The following PDE7B variants were observed in gnomAD, a reference collection of about 807,000 sequenced individuals.
The protein encoded by PDE7B is 3',5'-cyclic-AMP phosphodiesterase 7B.
A neutral mutation model predicts 56.2 loss-of-function variants in PDE7B; 29 were observed. That is an observed-to-expected ratio of 0.52 (90% CI 0.38 to 0.70). PDE7B has a LOEUF of 0.70. Ranked by LOEUF, PDE7B falls within the 30% of genes least tolerant of loss-of-function variation. The pLI is 0.00. For synonymous variants in PDE7B, 197 were observed against 196.9 expected, an observed-to-expected ratio of 1.00 and a Z score of 0.00; for missense variants, 490 against 565.0, an observed-to-expected ratio of 0.87 and a Z score of 1.35.
chr6:135,901,628 G>A (rs1394642612), intron 1 of PDE7B, among the ~76,000 whole-genome samples: 1 of 152,110 alleles, frequency 6.6e-6, no homozygotes, highest in Non-Finnish European at 1.5e-5. Context: ...GACAAGTCAA[G>A]CTCCAAATTG....
chr6:135,894,816 G>A (rs1308032783), intron 1 of PDE7B, among the ~76,000 whole-genome samples: 9 of 152,102 alleles, frequency 5.9e-5, no homozygotes. Flanking sequence ...ATGGGAACAT[G>A]TTTACCCAGG....
intron 3 of PDE7B, among the ~76,000 whole-genome samples, chr6:136,141,462 A>G (rs1778324891): frequency 6.6e-6 from 1 of 152,208 alleles, no homozygotes. Context: ...CTTTGGTATC[A>G]GGATGATGCT....
intron 2 of PDE7B, among the ~76,000 whole-genome samples, chr6:136,096,843 G>T (rs1409098186): frequency 6.6e-6 from 1 of 151,980 alleles, no homozygotes; most frequent in East Asian, 1.9e-4. Flanking sequence ...TCCATGTGAT[G>T]CCCAAAGGAC....
intron 2 of PDE7B, among the ~76,000 whole-genome samples, chr6:136,087,520 ATTAAG>A (rs976808615): frequency 1.3e-5 from 2 of 152,232 alleles, no homozygotes; most frequent in Non-Finnish European, 2.9e-5. Context: ...TGACTTGGAA[ATTAAG>A]TTAATACCAT....
intron 1 of PDE7B, among the ~76,000 whole-genome samples, chr6:135,883,997 C>T (rs1443778410): frequency 6.6e-6 from 1 of 152,128 alleles, no homozygotes; most frequent in Admixed American, 6.6e-5. Context: ...AGGAAGGACT[C>T]ATTTAATACA....
At chr6:136,157,000 A>T (rs1035441507) in intron 8 of PDE7B, among the ~76,000 whole-genome samples, 1 of 152,222 alleles carries the variant, frequency 6.6e-6, no homozygotes, top group Admixed American at 6.5e-5. Flanking sequence ...CCTTTGATGT[A>T]GTATATTATT....
At chr6:136,022,380 A>G (rs1353137036) in intron 2 of PDE7B, among the ~76,000 whole-genome samples, 2 of 152,216 alleles carry the variant, frequency 1.3e-5, no homozygotes, top group African/African-American at 2.4e-5. Context: ...TTAGTGTTGG[A>G]TGCTTAATGA....
intron 2 of PDE7B, among the ~76,000 whole-genome samples, chr6:136,076,453 A>G (rs1434720783): frequency 4.6e-5 from 7 of 152,216 alleles, no homozygotes; most frequent in Non-Finnish European, 1.0e-4. Context: ...AGGCTGGGCA[A>G]CAGAGCAAAA....
chr6:135,891,711 A>G (rs1292926448), intron 1 of PDE7B, among the ~76,000 whole-genome samples: 1 of 152,200 alleles, frequency 6.6e-6, no homozygotes. Flanking sequence ...AAAGCCTTCC[A>G]AGTGATTTTG....
chr6:136,074,426 G>T (rs1182113736), intron 2 of PDE7B, among the ~76,000 whole-genome samples: 1 of 151,898 alleles, frequency 6.6e-6, no homozygotes, highest in Non-Finnish European at 1.5e-5. Flanking sequence ...TTCTTTCTTT[G>T]TGTTACAAGC....
intron 1 of PDE7B, among the ~76,000 whole-genome samples, chr6:135,892,402 G>A (rs750564309): frequency 1.3e-5 from 2 of 152,064 alleles, no homozygotes; most frequent in Non-Finnish European, 2.9e-5. Context: ...CTAGCATAAT[G>A]CATTATTTTT....
At chr6:136,006,069 A>G (rs1421588834) in intron 2 of PDE7B, among the ~76,000 whole-genome samples, 2 of 151,538 alleles carry the variant, frequency 1.3e-5, no homozygotes, top group Non-Finnish European at 2.9e-5. Flanking sequence ...CATGGATGAA[A>G]TTGGAAATCA....
rs1451421819 is a variant in PDE7B, at chr6:136,038,257, C to T, written c.83-70474C>T. 6 of 1,299,980 alleles carry T rather than the reference C, an allele frequency of 4.6e-6. No individual in the cohort carries two copies. In the South Asian group the frequency reaches 7.3e-5, roughly 16 times the overall value. The allele number at this position is 1,299,980 out of a possible 1,614,324, so 80.5% of individuals were successfully genotyped here. ...GCAGCAGCAGCAGCAGCACCACCACCACCACTACCTCCTCTTCTGGGGCAC... is the reference window on the plus strand; with the variant it reads ...GCAGCAGCAGCAGCAGCACCACCACTACCACTACCTCCTCTTCTGGGGCAC... On this transcript the variant is annotated intron_variant, in intron 2 of 12. Coordinates refer to ENST00000308191, the MANE Select transcript of PDE7B (RefSeq NM_018945.4).
chr6:136,120,562 A>C (rs927208667), intron 3 of PDE7B, among the ~76,000 whole-genome samples: 3 of 152,218 alleles, frequency 2.0e-5, no homozygotes, highest in African/African-American at 7.2e-5. Flanking sequence ...GAAGGAAAGA[A>C]GGGATGCAAC....
intron 1 of PDE7B, among the ~76,000 whole-genome samples, chr6:135,943,391 A>G (rs1373427040): frequency 5.3e-5 from 8 of 152,194 alleles, no homozygotes; most frequent in African/African-American, 1.9e-4. Flanking sequence ...GCTCTACTAG[A>G]TGGCAATTCT....
intron 2 of PDE7B, among the ~76,000 whole-genome samples, chr6:136,074,696 A>G (rs1369441298): frequency 6.6e-6 from 1 of 152,130 alleles, no homozygotes; most frequent in African/African-American, 2.4e-5. Flanking sequence ...TTCTGTGCCT[A>G]GCTTACTTCA....
At position 136,055,726 on chromosome 6, in the gene PDE7B, G is replaced by A. The variant is rs145215648; in HGVS notation, c.83-53005G>A. Among the ~76,000 whole-genome samples the A allele has an allele frequency of 4.6e-5, 7 of 152,312 alleles. No individual in the cohort carries two copies. In the East Asian group the frequency reaches 1.4e-3, roughly 29 times the overall value. On this transcript the variant is annotated intron_variant, in intron 2 of 12. Coordinates refer to ENST00000308191, the MANE Select transcript of PDE7B (RefSeq NM_018945.4). ...AAAGTGAGGAGCAGCTGGGTGCTAA[G>A]TGTACCTAGATCTGCAGTCCAGACA...
intron 6 of PDE7B, among the ~76,000 whole-genome samples, chr6:136,152,387 T>C (rs1778535101): frequency 6.6e-6 from 1 of 152,216 alleles, no homozygotes; most frequent in Non-Finnish European, 1.5e-5. Context: ...AGCAGAGTAC[T>C]TTTGGCAAGT....
chr6:135,976,766 G>T (rs1025688482), intron 2 of PDE7B, among the ~76,000 whole-genome samples: 9 of 152,122 alleles, frequency 5.9e-5, no homozygotes, highest in African/African-American at 2.2e-4. Flanking sequence ...AGTCTGATCT[G>T]CAAATAGTAT....
Sources: gnomAD v4.1 joint callset for allele counts (sites outside exome capture counted in the v4.1 genomes callset) on GRCh38, gnomAD v4.1.1 for gene constraint, MANE v1.5 for transcripts, NCBI Gene and HGNC (gene_info 2026-07-23, HGNC 2026-07-21) for gene names.